PARD3B: variants seen among roughly 807,000 people sequenced by gnomAD.
PARD3B encodes the protein partitioning defective 3 homolog B.
Under a neutral mutation model 130.2 loss-of-function variants are expected in PARD3B, and 103 were observed. That is an observed-to-expected ratio of 0.79 (90% CI 0.67 to 0.93). PARD3B has a LOEUF of 0.93. Ranked by LOEUF, PARD3B falls within the 40% of genes least tolerant of loss-of-function variation. The pLI is 0.00. For synonymous variants in PARD3B, 583 were observed against 553.2 expected (o/e 1.05, Z -0.76); for missense variants, 1,609 against 1,499.2 (o/e 1.07, Z -1.21).
intron 18 of PARD3B, among the ~76,000 whole-genome samples, chr2:205,314,622 A>T (rs1387939070): frequency 2.0e-5 from 3 of 152,246 alleles, no homozygotes; most frequent in Non-Finnish European, 4.4e-5. Context: ...TAAGAGATAC[A>T]TACATTGAAA....
At chr2:204,824,157 A>G (rs1228784136) in intron 2 of PARD3B, among the ~76,000 whole-genome samples, 2 of 152,144 alleles carry the variant, frequency 1.3e-5, no homozygotes, top group Admixed American at 1.3e-4. Flanking sequence ...CCTCCAAACC[A>G]GCTGTCTGTC....
chr2:204,703,149 G>A (rs2037974701), intron 2 of PARD3B, among the ~76,000 whole-genome samples: 1 of 152,158 alleles, frequency 6.6e-6, no homozygotes, highest in Non-Finnish European at 1.5e-5. Context: ...ACAGGATTAA[G>A]TGGTTTGCAC....
intron 1 of PARD3B, among the ~76,000 whole-genome samples, chr2:204,683,291 A>G (rs536756330): frequency 1.6e-4 from 25 of 152,342 alleles, no homozygotes; most frequent in African/African-American, 5.5e-4. Flanking sequence ...CTTGTGCAAT[A>G]TAAAGGCAAG....
At chr2:205,064,931 C>T (rs149871172) in intron 4 of PARD3B, among the ~76,000 whole-genome samples, 116 of 152,260 alleles carry the variant, frequency 7.6e-4, no homozygotes, top group African/African-American at 2.6e-3. Context: ...CTCAGAAACA[C>T]CAAATGGGGT....
Position 205,404,415 on chromosome 2 carries a change from T to C in PARD3B, c.2741+3292T>C, listed in dbSNP as rs373666989. Among the ~76,000 whole-genome samples the C allele has an allele frequency of 2.4e-4, 36 of 152,336 alleles. No homozygotes were observed. The East Asian group carries it at 6.0e-3, about 25-fold the overall frequency. On this transcript the variant is annotated intron_variant, in intron 19 of 22. Coordinates refer to ENST00000406610, the MANE Select transcript of PARD3B (RefSeq NM_001302769.2). ...CAGGGAGTCGATCATTCACAGATTT[T>C]GATATCCACAGAGTGTCCTAGAACT...
chr2:205,074,671 C>T (rs144170143), intron 4 of PARD3B, among the ~76,000 whole-genome samples: 2,272 of 152,190 alleles, frequency 0.015, 22 homozygotes, highest in Non-Finnish European at 0.021. Flanking sequence ...ACAATGTTCT[C>T]GATCATTGTG....
intron 11 of PARD3B, among the ~76,000 whole-genome samples, chr2:205,169,706 C>A (rs1467966527): frequency 1.3e-5 from 2 of 152,284 alleles, no homozygotes; most frequent in East Asian, 3.9e-4. Context: ...AACCTCATTT[C>A]CTGTTAACAG....
At chr2:204,892,241 G>A (rs1420247212) in intron 2 of PARD3B, among the ~76,000 whole-genome samples, 1 of 152,158 alleles carries the variant, frequency 6.6e-6, no homozygotes. Flanking sequence ...CTTCCAGCAG[G>A]AGCAAAGGAA....
chr2:204,920,548 C>T (rs62179383), intron 2 of PARD3B, among the ~76,000 whole-genome samples: 4,478 of 152,304 alleles, frequency 0.029, 89 homozygotes, highest in Non-Finnish European at 0.048. Context: ...AAATTCCCTT[C>T]AAATACCTTT....
chr2:204,728,585 C>G (rs1268925162), intron 2 of PARD3B, among the ~76,000 whole-genome samples: 1 of 145,784 alleles, frequency 6.9e-6, no homozygotes, highest in East Asian at 2.1e-4. Flanking sequence ...GTGTAATACT[C>G]TAGCAGTTGC....
chr2:204,982,297 G>A (rs562968091), intron 3 of PARD3B, among the ~76,000 whole-genome samples: 6 of 152,124 alleles, frequency 3.9e-5, no homozygotes, highest in Non-Finnish European at 8.8e-5. Flanking sequence ...TATTATTGAT[G>A]AGGAATTTCT....
chr2:204,606,419 C>A lies in PARD3B; in HGVS notation c.120+60300C>A, dbSNP rs2033728115. 1.3e-5 allele frequency among the ~76,000 whole-genome samples: 2 copies of A among 152,066 alleles called. No individual in the cohort carries two copies. The highest frequency in any genetic ancestry group is 4.2e-4 in the South Asian group (2 of 4,816). On this transcript the variant is annotated intron_variant, in intron 1 of 22. Coordinates refer to ENST00000406610, the MANE Select transcript of PARD3B (RefSeq NM_001302769.2). The surrounding 1 kb of genome is among the most constrained non-coding windows in gnomAD (Gnocchi z 4.0). ...ATCTGTTGACTGTATCAGTCAGGGT[C>A]CCTGGCTGATGAAGGCTCCATCTTA...
At chr2:205,267,114 C>T (rs1219767248) in intron 16 of PARD3B, among the ~76,000 whole-genome samples, 4 of 152,104 alleles carry the variant, frequency 2.6e-5, no homozygotes, top group South Asian at 2.1e-4. Context: ...ATGCATACTT[C>T]GGATTTATTT....
intron 15 of PARD3B, among the ~76,000 whole-genome samples, chr2:205,217,283 G>A (rs974856330): frequency 6.6e-6 from 1 of 152,210 alleles, no homozygotes; most frequent in African/African-American, 2.4e-5. Context: ...GTGTGCAGAA[G>A]TGCACAGACA....
rs554260303 is a variant in PARD3B at position 205,583,225 on chromosome 2, T to C, written c.3260+29822T>C. Among the ~76,000 whole-genome samples, 3 of 152,342 alleles carry C rather than the reference T, an allele frequency of 2.0e-5. No homozygotes were observed. In the East Asian group the frequency reaches 5.8e-4, roughly 29 times the overall value. The stretch of plus-strand genomic sequence containing the variant: ...ACTGCCTGTGTTATCAGCTTGAAAG[T>C]CTGCTAAGAATGGATGGGAGAAACA... On this transcript the variant is annotated intron_variant, in intron 22 of 22. Coordinates refer to ENST00000406610, the MANE Select transcript of PARD3B (RefSeq NM_001302769.2).
chr2:205,308,304 G>C (rs938828121), intron 18 of PARD3B, among the ~76,000 whole-genome samples: 6 of 152,002 alleles, frequency 3.9e-5, no homozygotes, highest in Non-Finnish European at 7.4e-5. Context: ...TCATTGTGGT[G>C]AGATTAAAAC....
chr2:204,897,480 A>AT (rs1186278595), intron 2 of PARD3B, among the ~76,000 whole-genome samples: 1 of 145,074 alleles, frequency 6.9e-6, no homozygotes, highest in Non-Finnish European at 1.5e-5. Flanking sequence ...AACTCTGATT[A>AT]TTTTTTTTCT....
At position 205,113,408 on chromosome 2, in the gene PARD3B, G is replaced by A. The variant is rs981158015; in HGVS notation, c.594-83G>A. ...CCTGAGCAGGGGTGTGTGTGTGTGT[G>A]TGTGTGTGTGTGTGTATTTTAGATG... On this transcript the variant is annotated intron_variant, in intron 5 of 22. Transcript: ENST00000406610. 4.8e-6 allele frequency: 4 copies of A among 827,512 alleles called. No individual in the cohort carries two copies. The African/African-American group carries it at 5.1e-5, about 10-fold the overall frequency. 51.3% of individuals were successfully genotyped at this position (827,512 alleles called of 1,614,324 possible).
chr2:205,245,072 C>T (rs779199781), intron 15 of PARD3B, among the ~76,000 whole-genome samples: 1 of 152,184 alleles, frequency 6.6e-6, no homozygotes, highest in African/African-American at 2.4e-5. Flanking sequence ...GCTCTGCAAC[C>T]TCTGTCTGCT....
Sources: allele counts gnomAD v4.1 joint callset (sites outside exome capture counted in the v4.1 genomes callset), GRCh38; gene constraint gnomAD v4.1.1; non-coding constraint Gnocchi (gnomAD v3.1); transcripts MANE v1.5; gene names NCBI Gene and HGNC (gene_info 2026-07-23, HGNC 2026-07-21).